STAT4: variants seen among roughly 807,000 people sequenced by gnomAD.
The protein encoded by STAT4 is signal transducer and activator of transcription 4.
Under a neutral mutation model 110.5 loss-of-function variants are expected in STAT4, and 42 were observed. The ratio of observed to expected loss-of-function variants is 0.38; its 90% confidence interval spans 0.30 to 0.49. The LOEUF is 0.49. Ranked by LOEUF, STAT4 falls within the 20% of genes least tolerant of loss-of-function variation. The pLI, the probability that STAT4 is intolerant of heterozygous loss-of-function variation, is 0.95. For missense variants in STAT4, 632 were observed against 887.9 expected (o/e 0.71, Z 3.66); for synonymous variants, 284 against 302.2 (o/e 0.94, Z 0.63).
In STAT4 at chr2:191,107,091, T is replaced by C. The variant is rs1219690962; in HGVS notation, c.274-30766A>G. On this transcript the variant is annotated intron_variant, in intron 3 of 23. Transcript: ENST00000392320. The surrounding 1 kb of genome is among the most constrained non-coding windows in gnomAD (Gnocchi z 4.2). ...TAATGTCAGCAGTAGAAACGTATGG[T>C]TGCGTGAAATGAAATATAGATGTTT... Among the ~76,000 whole-genome samples the C allele has an allele frequency of 2.0e-5, 3 of 152,198 alleles. No individual in the cohort carries two copies. The highest frequency in any genetic ancestry group is 7.2e-5 in the African/African-American group (3 of 41,452).
At chr2:191,076,651 T>TC (rs1300701556) in intron 3 of STAT4, among the ~76,000 whole-genome samples, 2 of 150,014 alleles carry the variant, frequency 1.3e-5, no homozygotes, top group Non-Finnish European at 3.0e-5. Flanking sequence ...GTTTTTTCTT[T>TC]TTTTTTTTTT....
chr2:191,081,577 T>G (rs1224939383), intron 3 of STAT4, among the ~76,000 whole-genome samples: 1 of 152,242 alleles, frequency 6.6e-6, no homozygotes, highest in Non-Finnish European at 1.5e-5. Flanking sequence ...TTGATTTGCA[T>G]CTCTCTGATG....
chr2:191,041,444 A>C (rs1184929716), intron 14 of STAT4: 1 of 158,904 alleles, frequency 6.3e-6, no homozygotes, highest in African/African-American at 2.4e-5. Context: ...TCCTTATTTT[A>C]ATGTTTGAAA....
rs1400843583 is a variant in STAT4, at chr2:191,138,699, T to A, written c.273+7914A>T. On this transcript the variant is annotated intron_variant, in intron 3 of 23. Coordinates refer to ENST00000392320, the MANE Select transcript of STAT4 (RefSeq NM_003151.4). This position sits in a 1 kb window ranked among gnomAD's most constrained non-coding sequence, Gnocchi z 4.3. ...ACATTCAAAGAAGAATTGGTACCAG[T>A]CCCACTGAAACTATTGCAAAAGATA... Among the ~76,000 whole-genome samples the A allele has an allele frequency of 6.6e-6, 1 of 152,084 alleles. No homozygotes were observed. The highest frequency in any genetic ancestry group is 1.5e-5 in the Non-Finnish European group (1 of 68,012).
chr2:191,078,394 G>A (rs181401738), intron 3 of STAT4, among the ~76,000 whole-genome samples: 1 of 152,148 alleles, frequency 6.6e-6, no homozygotes, highest in East Asian at 1.9e-4. Flanking sequence ...TACTTTGTAT[G>A]GTTAAATTAC....
In STAT4 at chr2:191,150,141, G is replaced by A. The variant is rs1047368350; in HGVS notation, c.-2+806C>T. ...AATTGTGTGTCAAATGAAAATAAAA[G>A]GAAAATTAAAAAAAATAAAAATAAA... On this transcript the variant is annotated intron_variant, in intron 1 of 23. Coordinates refer to ENST00000392320, the MANE Select transcript of STAT4 (RefSeq NM_003151.4). This position sits in a 1 kb window ranked among gnomAD's most constrained non-coding sequence, Gnocchi z 6.4. 9.9e-5 allele frequency among the ~76,000 whole-genome samples: 15 copies of A among 151,258 alleles called. No individual in the cohort carries two copies. The highest frequency in any genetic ancestry group is 9.2e-4 in the Admixed American group (14 of 15,202).
At position 191,042,180 on chromosome 2, in the gene STAT4, C is replaced by A. The variant is rs1042054076; in HGVS notation, c.1252-1032G>T. Among the ~76,000 whole-genome samples the A allele has an allele frequency of 6.6e-6, 1 of 152,182 alleles. No individual in the cohort carries two copies. Among genetic ancestry groups the A allele is most frequent in the Non-Finnish European group, 1.5e-5 (1 of 68,028 alleles). On this transcript the variant is annotated intron_variant, in intron 14 of 23. Transcript: ENST00000392320. This position sits in a 1 kb window ranked among gnomAD's most constrained non-coding sequence, Gnocchi z 4.2. ...ATCACCCTAAGTCTACAGTTCTCAA[C>A]ACGCACATAGAATTTTCAGGCTGTT...
In STAT4 at chr2:191,104,225, CCTT is replaced by C. The variant is rs1313484169; in HGVS notation, c.274-27903_274-27901del. On this transcript the variant is annotated intron_variant, in intron 3 of 23. Coordinates refer to ENST00000392320, the MANE Select transcript of STAT4 (RefSeq NM_003151.4). The surrounding 1 kb of genome is among the most constrained non-coding windows in gnomAD (Gnocchi z 4.3). ...TGGATAAATATTTTTTTCTTTTTGT[CCTT>C]CTTCATTTTCCAAATTTCTTGTAAT... Among the ~76,000 whole-genome samples, 11 of 151,800 alleles carry C rather than the reference CCTT, an allele frequency of 7.2e-5. No homozygotes were observed. Among genetic ancestry groups the C allele is most frequent in the East Asian group, 5.8e-4 (3 of 5,190 alleles).
rs1431551219 is a variant in STAT4, at chr2:191,058,531, G to T, written c.1094+179C>A. Among the ~76,000 whole-genome samples, 3 of 151,998 alleles carry T rather than the reference G, an allele frequency of 2.0e-5. No individual in the cohort carries two copies. Among genetic ancestry groups the T allele is most frequent in the Non-Finnish European group, 4.4e-5 (3 of 67,996 alleles). On this transcript the variant is annotated intron_variant, in intron 11 of 23. Transcript: ENST00000392320. The surrounding 1 kb of genome is among the most constrained non-coding windows in gnomAD (Gnocchi z 4.3). ...TTTTATAGTAAAATTTTAAATTTAG[G>T]ATACCATTGAATTTTGTTAAATGTT... is the stretch of plus-strand genomic sequence containing the variant.
chr2:191,107,185 G>C lies in STAT4; in HGVS notation c.274-30860C>G, dbSNP rs1454981710. Among the ~76,000 whole-genome samples the C allele has an allele frequency of 6.6e-6, 1 of 152,160 alleles. No individual in the cohort carries two copies. The highest frequency in any genetic ancestry group is 1.9e-4 in the East Asian group (1 of 5,200). On this transcript the variant is annotated intron_variant, in intron 3 of 23. Coordinates refer to ENST00000392320, the MANE Select transcript of STAT4 (RefSeq NM_003151.4). This position sits in a 1 kb window ranked among gnomAD's most constrained non-coding sequence, Gnocchi z 4.2. ...AAAGCTTCAGGGTTTGAGGTGTCTT[G>C]TTTTGTGAGGTCTTTGGTATGATAG...
At position 191,066,139 on chromosome 2, in the gene STAT4, G is replaced by T. The variant is rs529535787; in HGVS notation, c.630+291C>A. 6.6e-6 allele frequency among the ~76,000 whole-genome samples: 1 copy of T among 152,212 alleles called. No homozygotes were observed. The highest frequency in any genetic ancestry group is 2.4e-5 in the African/African-American group (1 of 41,524). On this transcript the variant is annotated intron_variant, in intron 7 of 23. Coordinates refer to ENST00000392320, the MANE Select transcript of STAT4 (RefSeq NM_003151.4). The surrounding 1 kb of genome is among the most constrained non-coding windows in gnomAD (Gnocchi z 4.3). ...TAAGTACAGCAACTGAAACAGCCAC[G>T]TCTGAAATAATGACAAATAAAAATT... is the stretch of plus-strand genomic sequence containing the variant.
At chr2:191,080,485 A>G (rs530129674) in intron 3 of STAT4, among the ~76,000 whole-genome samples, 2 of 152,158 alleles carry the variant, frequency 1.3e-5, no homozygotes, top group African/African-American at 4.8e-5. Flanking sequence ...GTGCACAATT[A>G]TTGTCTTCAT....
chr2:191,049,558 T>C (rs1321068665), intron 14 of STAT4, among the ~76,000 whole-genome samples: 2 of 152,186 alleles, frequency 1.3e-5, no homozygotes, highest in Non-Finnish European at 2.9e-5. Context: ...TTCATCCAAA[T>C]TTCTTGGTCA....
chr2:191,059,794 T>C lies in STAT4; in HGVS notation c.1035-1025A>G, dbSNP rs938121657. Among the ~76,000 whole-genome samples the C allele has an allele frequency of 5.3e-5, 8 of 152,148 alleles. No homozygotes were observed. Among genetic ancestry groups the C allele is most frequent in the African/African-American group, 1.9e-4 (8 of 41,440 alleles). The stretch of plus-strand genomic sequence containing the variant: ...AAAAGTCCTGTACAAGGCACAAGAT[T>C]GGTTCAGGATCTGGAGTATGTTGAG... On this transcript the variant is annotated intron_variant, in intron 10 of 23. Transcript: ENST00000392320. The surrounding 1 kb of genome is among the most constrained non-coding windows in gnomAD (Gnocchi z 4.7).
Position 191,091,330 on chromosome 2 carries a change from TAAG to T in STAT4, c.274-15008_274-15006del, listed in dbSNP as rs1176210836. ...TAAGAAATAGAAAATAGATTCAAAA[TAAG>T]AAAAATAATTTAAAAAACAGGAACG... On this transcript the variant is annotated intron_variant, in intron 3 of 23. Transcript: ENST00000392320. This position sits in a 1 kb window ranked among gnomAD's most constrained non-coding sequence, Gnocchi z 5.4. Among the ~76,000 whole-genome samples, 2 of 151,610 alleles carry T rather than the reference TAAG, an allele frequency of 1.3e-5. No homozygotes were observed. The highest frequency in any genetic ancestry group is 2.4e-5 in the African/African-American group (1 of 41,240).
chr2:191,076,105 T>C, intron 4 of STAT4, 122 bp downstream of exon 4: 1 of 747,290 alleles, frequency 1.3e-6, no homozygotes, highest in Non-Finnish European at 2.2e-6. Flanking sequence ...CCTCCCACCT[T>C]TGCCTCCCAA....
At chr2:191,076,989 T>C (rs969865997) in intron 3 of STAT4, among the ~76,000 whole-genome samples, 2 of 152,210 alleles carry the variant, frequency 1.3e-5, no homozygotes, top group Admixed American at 1.3e-4. Flanking sequence ...TTGTTAACTG[T>C]GTGTCATGGT....
At chr2:191,124,088 C>T (rs1303568901) in intron 3 of STAT4, among the ~76,000 whole-genome samples, 1 of 25,278 alleles carries the variant, frequency 4.0e-5, no homozygotes, top group Non-Finnish European at 1.0e-4. Flanking sequence ...ACATTTGATC[C>T]ATTTAGTTAG....
rs540854422 is a variant in STAT4, at chr2:191,133,002, C to T, written c.273+13611G>A. On this transcript the variant is annotated intron_variant, in intron 3 of 23. Transcript: ENST00000392320. ...ATATCCTGACCTCGTGATCTGCCCACCTCGGCCTCCCAAAGTGCTGGGATT... is the reference window on the plus strand; with the variant it reads ...ATATCCTGACCTCGTGATCTGCCCATCTCGGCCTCCCAAAGTGCTGGGATT... Among the ~76,000 whole-genome samples, 268 of 151,584 alleles carry T rather than the reference C, an allele frequency of 1.8e-3. 3 individuals are homozygous for T. Among genetic ancestry groups the T allele is most frequent in the Middle Eastern group, 6.8e-3 (2 of 292 alleles).
Sources: allele counts gnomAD v4.1 joint callset (sites outside exome capture counted in the v4.1 genomes callset), GRCh38; gene constraint gnomAD v4.1.1; non-coding constraint Gnocchi (gnomAD v3.1); transcripts MANE v1.5; gene names NCBI Gene and HGNC (gene_info 2026-07-23, HGNC 2026-07-21).